Variants in ADARB2 observed in about 807,000 individuals in gnomAD.
ADARB2 encodes inactive double-stranded RNA-specific editase B2.
A neutral mutation model predicts 62.2 loss-of-function variants in ADARB2; 25 were observed. That is an observed-to-expected ratio of 0.40 (90% CI 0.29 to 0.56). The LOEUF (loss-of-function observed/expected upper bound fraction) is 0.56, where lower values mean the gene tolerates loss of function less well. Among genes scored for constraint, ADARB2 ranks in the 20% least tolerant of loss-of-function variants. The pLI is 0.43. For missense variants in ADARB2, 1,071 were observed against 1,077.4 expected (o/e 0.99, Z 0.08); for synonymous variants, 572 against 500.8 (o/e 1.14, Z -1.90).
In ADARB2 at chr10:1,540,610, C is replaced by T. The variant is rs1212829199; in HGVS notation, c.101-161450G>A. ...TGGATCCGTCCAGACCCCACTCAGA[C>T]GCAGTTCGGACCCTGGATCACAGCC... On this transcript the variant is annotated intron_variant, in intron 1 of 9. Transcript: ENST00000381312. Among the ~76,000 whole-genome samples the T allele has an allele frequency of 1.4e-4, 11 of 79,612 alleles. 2 individuals are homozygous for T. The highest frequency in any genetic ancestry group is 7.3e-4 in the Admixed American group (5 of 6,880). The allele number at this position is 79,612 out of a possible 152,430, so 52.2% of individuals were successfully genotyped here.
intron 1 of ADARB2, among the ~76,000 whole-genome samples, chr10:1,570,278 CTTTTT>C (rs1234370800): frequency 6.6e-6 from 1 of 152,060 alleles, no homozygotes; most frequent in East Asian, 1.9e-4. Context: ...CTCGAGACTG[CTTTTT>C]TTTAAGATGT....
chr10:1,417,376 C>T (rs1416528506), intron 1 of ADARB2, among the ~76,000 whole-genome samples: 1 of 151,930 alleles, frequency 6.6e-6, no homozygotes, highest in African/African-American at 2.4e-5. Flanking sequence ...GGTAGATGAC[C>T]AGGGAGTGCA....
chr10:1,466,199 G>A (rs1831253292), intron 1 of ADARB2, among the ~76,000 whole-genome samples: 1 of 152,214 alleles, frequency 6.6e-6, no homozygotes, highest in South Asian at 2.1e-4. Flanking sequence ...CATGAAGCTG[G>A]CCTCGGACAC....
chr10:1,351,267 T>C (rs562698568), intron 3 of ADARB2, among the ~76,000 whole-genome samples: 26 of 152,320 alleles, frequency 1.7e-4, no homozygotes, highest in Non-Finnish European at 3.4e-4. Context: ...TCACGGATGC[T>C]GAGCTTCGGG....
chr10:1,461,145 C>G (rs1334302779), intron 1 of ADARB2, among the ~76,000 whole-genome samples: 1 of 152,184 alleles, frequency 6.6e-6, no homozygotes, highest in East Asian at 1.9e-4. Flanking sequence ...CAGAAGAAAT[C>G]ATTTCAGCAA....
chr10:1,665,107 C>T (rs1450585030), intron 1 of ADARB2, among the ~76,000 whole-genome samples: 1 of 152,142 alleles, frequency 6.6e-6, no homozygotes, highest in Non-Finnish European at 1.5e-5. Context: ...TATTAAGTTT[C>T]ACTTTTCCCA....
intron 3 of ADARB2, among the ~76,000 whole-genome samples, chr10:1,274,882 A>T (rs1831299406): frequency 6.6e-6 from 1 of 152,236 alleles, no homozygotes; most frequent in African/African-American, 2.4e-5. Flanking sequence ...TCTGAACTCA[A>T]GGATGGCTGC....
chr10:1,262,266 C>A (rs1261251128), intron 4 of ADARB2, among the ~76,000 whole-genome samples: 2 of 133,040 alleles, frequency 1.5e-5, no homozygotes, highest in African/African-American at 5.9e-5. Context: ...ACAATGTGCA[C>A]ATGTACCCTA....
intron 3 of ADARB2, among the ~76,000 whole-genome samples, chr10:1,353,292 C>T (rs1262813999): frequency 6.6e-6 from 1 of 152,200 alleles, no homozygotes; most frequent in Non-Finnish European, 1.5e-5. Context: ...CTATCTCCAC[C>T]ACACTATCAA....
intron 3 of ADARB2, 23 bp downstream of exon 3, chr10:1,363,005 C>A: frequency 7.6e-7 from 1 of 1,324,188 alleles, no homozygotes; most frequent in South Asian, 2.0e-5. Context: ...GCCCGTTCCC[C>A]CTGCACCCGC....
chr10:1,493,729 C>CTTTTT lies in ADARB2; in HGVS notation c.101-114574_101-114570dup, dbSNP rs555812632. ...TCTAGGCACAGCATAATATGGCATT[C>CTTTTT]TTTTTTTTTTTTTTTTTTTTTTTTT... is the stretch of plus-strand genomic sequence containing the variant. On this transcript the variant is annotated intron_variant, in intron 1 of 9. Coordinates refer to ENST00000381312, the MANE Select transcript of ADARB2 (RefSeq NM_018702.4). Among the ~76,000 whole-genome samples the CTTTTT allele has an allele frequency of 7.0e-5, 4 of 56,846 alleles. 1 individual carries two copies. The highest frequency in any genetic ancestry group is 1.2e-4 in the Non-Finnish European group (4 of 32,606). 37.3% of individuals were successfully genotyped at this position (56,846 alleles called of 152,430 possible).
intron 3 of ADARB2, chr10:1,290,050 A>T (rs554332894): frequency 6.6e-6 from 1 of 152,348 alleles, no homozygotes; most frequent in South Asian, 2.1e-4. Context: ...CGACATAATT[A>T]GTTACAGTAA....
intron 1 of ADARB2, among the ~76,000 whole-genome samples, chr10:1,382,914 TC>T (rs1459371468): frequency 6.6e-6 from 1 of 152,168 alleles, no homozygotes; most frequent in African/African-American, 2.4e-5. Context: ...GTTCTTGAGC[TC>T]GGGCTCCCAT....
rs192623022 is a variant in ADARB2, at chr10:1,474,286, C to T, written c.101-95126G>A. Among the ~76,000 whole-genome samples the T allele has an allele frequency of 6.6e-5, 10 of 152,318 alleles. No individual in the cohort carries two copies. The East Asian group carries it at 1.2e-3, about 18-fold the overall frequency. On this transcript the variant is annotated intron_variant, in intron 1 of 9. Coordinates refer to ENST00000381312, the MANE Select transcript of ADARB2 (RefSeq NM_018702.4). ...GGAAATCGAGGGTAAAACTCGTTCC[C>T]GGCCCTCTGGGACGGCATGGCCCTG...
rs117088066 is a variant in ADARB2, at chr10:1,726,109, A to G, written c.100+10942T>C. 2.7e-3 allele frequency among the ~76,000 whole-genome samples: 411 copies of G among 152,344 alleles called. 14 individuals are homozygous for G. In the East Asian group the frequency reaches 0.066, roughly 25 times the overall value. The stretch of plus-strand genomic sequence containing the variant: ...TATTACGGGTAAGGATCTCTGCCCA[A>G]CTGCTGCAGCCAATATTCCTGTGGC... On this transcript the variant is annotated intron_variant, in intron 1 of 9. Coordinates refer to ENST00000381312, the MANE Select transcript of ADARB2 (RefSeq NM_018702.4).
chr10:1,576,264 G>A (rs528409577), intron 1 of ADARB2, among the ~76,000 whole-genome samples: 1 of 150,126 alleles, frequency 6.7e-6, no homozygotes, highest in Non-Finnish European at 1.5e-5. Context: ...TCACTGTAGG[G>A]CTCAGGGTCA....
intron 1 of ADARB2, among the ~76,000 whole-genome samples, chr10:1,573,410 G>C (rs1243729117): frequency 1.3e-5 from 2 of 152,200 alleles, no homozygotes; most frequent in African/African-American, 4.8e-5. Flanking sequence ...AAGAGCTTGG[G>C]GATGTGTTGA....
In ADARB2 at chr10:1,512,245, A is replaced by C. The variant is rs529708684; in HGVS notation, c.101-133085T>G. On this transcript the variant is annotated intron_variant, in intron 1 of 9. Coordinates refer to ENST00000381312, the MANE Select transcript of ADARB2 (RefSeq NM_018702.4). Reference sequence around the variant, plus strand: ...ATACCAAGGTGTTGATGCTGTCTACACTGGACACCAAGACGTTGATGCTTC... The same window carrying C: ...ATACCAAGGTGTTGATGCTGTCTACCCTGGACACCAAGACGTTGATGCTTC... Among the ~76,000 whole-genome samples, 9 of 152,060 alleles carry C rather than the reference A, an allele frequency of 5.9e-5. No homozygotes were observed. The East Asian group carries it at 1.7e-3, about 30-fold the overall frequency.
chr10:1,718,797 G>C (rs553919713), intron 1 of ADARB2, among the ~76,000 whole-genome samples: 32 of 152,274 alleles, frequency 2.1e-4, no homozygotes, highest in African/African-American at 7.7e-4. Flanking sequence ...CCAGCTCCCA[G>C]GCAGGTTCTT....
Sources: allele counts gnomAD v4.1 joint callset (sites outside exome capture counted in the v4.1 genomes callset), GRCh38; gene constraint gnomAD v4.1.1; transcripts MANE v1.5; gene names NCBI Gene and HGNC (gene_info 2026-07-23, HGNC 2026-07-21).